Variants in CEP112 observed in about 807,000 individuals in gnomAD.
The protein encoded by CEP112 is centrosomal protein 112, also known as centrosomal protein of 112 kDa.
A neutral mutation model predicts 153.0 loss-of-function variants in CEP112; 127 were observed. The observed-to-expected ratio is 0.83, with a 90% CI of 0.72 to 0.96. CEP112 has a LOEUF of 0.96. Ranked by LOEUF, CEP112 falls within the 40% of genes least tolerant of loss-of-function variation. The pLI is 0.00. For synonymous variants in CEP112, 358 were observed against 374.4 expected, an observed-to-expected ratio of 0.96 and a Z score of 0.51; for missense variants, 1,089 against 1,101.2, an observed-to-expected ratio of 0.99 and a Z score of 0.16.
intron 21 of CEP112, among the ~76,000 whole-genome samples, chr17:65,840,411 G>A (rs1193016212): frequency 6.6e-6 from 1 of 152,018 alleles, no homozygotes; most frequent in African/African-American, 2.4e-5. Context: ...AGAAAGGACA[G>A]TCCCTTCAAT....
chr17:65,990,624 T>A (rs763767712), intron 17 of CEP112, among the ~76,000 whole-genome samples: 12 of 152,196 alleles, frequency 7.9e-5, no homozygotes, highest in Non-Finnish European at 1.8e-4. Context: ...ATCCCAAAGG[T>A]CAGAACTTGA....
At chr17:66,091,139 T>C (rs575930876) in intron 8 of CEP112, among the ~76,000 whole-genome samples, 2 of 151,974 alleles carry the variant, frequency 1.3e-5, no homozygotes, top group Admixed American at 1.3e-4. Context: ...AGAAAGAAAA[T>C]TAATAAGGAA....
intron 21 of CEP112, among the ~76,000 whole-genome samples, chr17:65,798,741 TA>T (rs1568030465): frequency 4.6e-5 from 7 of 152,220 alleles, no homozygotes; most frequent in African/African-American, 1.7e-4. Flanking sequence ...AGAAAGGTTA[TA>T]GTTAATTGCT....
chr17:66,029,836 T>C, intron 13 of CEP112, 33 bp downstream of exon 13: 3 of 1,587,660 alleles, frequency 1.9e-6, no homozygotes, highest in African/African-American at 1.3e-5. Flanking sequence ...ACTTTATAGC[T>C]ACACCTGATA....
intron 4 of CEP112, among the ~76,000 whole-genome samples, chr17:66,141,814 G>A (rs553102112): frequency 6.6e-6 from 1 of 152,238 alleles, no homozygotes; most frequent in Admixed American, 6.5e-5. Context: ...TCCACATCCT[G>A]ACTATTGTGA....
chr17:65,824,124 T>C (rs756734313), intron 21 of CEP112, among the ~76,000 whole-genome samples: 2 of 152,224 alleles, frequency 1.3e-5, no homozygotes, highest in Non-Finnish European at 2.9e-5. Context: ...TTAAAGTGCA[T>C]ATTCACACAA....
At chr17:66,174,847 G>C (rs1279334222) in intron 4 of CEP112, among the ~76,000 whole-genome samples, 197 bp downstream of exon 4, 2 of 152,052 alleles carry the variant, frequency 1.3e-5, no homozygotes, top group African/African-American at 2.4e-5. Context: ...GGGACCACTT[G>C]TCAAGCAATC....
intron 4 of CEP112, among the ~76,000 whole-genome samples, chr17:66,134,254 T>A (rs931657836): frequency 6.6e-6 from 1 of 152,222 alleles, no homozygotes; most frequent in Non-Finnish European, 1.5e-5. Flanking sequence ...CAGGGTTGCA[T>A]ACATAAAACG....
chr17:65,846,445 C>A (rs2057726959), intron 21 of CEP112, among the ~76,000 whole-genome samples: 1 of 152,312 alleles, frequency 6.6e-6, no homozygotes, highest in South Asian at 2.1e-4. Context: ...TGTATCATAT[C>A]CTACCCAAAG....
intron 6 of CEP112, among the ~76,000 whole-genome samples, chr17:66,126,299 A>T (rs1364443098): frequency 6.6e-6 from 1 of 152,234 alleles, no homozygotes; most frequent in Non-Finnish European, 1.5e-5. Context: ...ATCTTAAGAT[A>T]TTACATTAAT....
intron 4 of CEP112, among the ~76,000 whole-genome samples, chr17:66,142,631 G>A (rs1315674437): frequency 6.6e-6 from 1 of 152,002 alleles, no homozygotes; most frequent in East Asian, 1.9e-4. Flanking sequence ...GTGTGTTCTT[G>A]GCACCTCTGT....
At chr17:66,079,140 G>T (rs1290783136) in intron 8 of CEP112, among the ~76,000 whole-genome samples, 1 of 152,136 alleles carries the variant, frequency 6.6e-6, no homozygotes, top group Non-Finnish European at 1.5e-5. Context: ...TGGCAAGGCT[G>T]CTAAGAAAAA....
At chr17:65,731,308 A>T (rs562135300) in intron 23 of CEP112, among the ~76,000 whole-genome samples, 1 of 152,342 alleles carries the variant, frequency 6.6e-6, no homozygotes, top group East Asian at 1.9e-4. Flanking sequence ...CCCAGTGCAT[A>T]TAAAAAAGTC....
At chr17:65,825,990 A>G in intron 21 of CEP112, 2 of 765,972 alleles carry the variant, frequency 2.6e-6, no homozygotes, top group Admixed American at 2.2e-5. Flanking sequence ...TTTCTGTTCA[A>G]TGTGATTGCA....
chr17:66,056,552 A>G (rs933383687), intron 11 of CEP112, among the ~76,000 whole-genome samples: 1 of 152,262 alleles, frequency 6.6e-6, no homozygotes, highest in Admixed American at 6.5e-5. Context: ...TTATTTGACC[A>G]TAAAACTGAT....
At position 65,970,296 on chromosome 17, in the gene CEP112, C is replaced by T. The variant is rs139719035; in HGVS notation, c.1737-8698G>A. Among the ~76,000 whole-genome samples, 46 of 132,884 alleles carry T rather than the reference C, an allele frequency of 3.5e-4. 3 individuals carry two copies. The highest frequency in any genetic ancestry group is 1.1e-3 in the African/African-American group (44 of 38,416). 87.2% of individuals were successfully genotyped at this position (132,884 alleles called of 152,430 possible). A position where few individuals can be genotyped will look rare whatever the true frequency, so the allele number is the denominator to read the frequency against. On this transcript the variant is annotated intron_variant, in intron 17 of 26. Coordinates refer to ENST00000535342, the MANE Select transcript of CEP112 (RefSeq NM_001199165.4). ...GCATGTATGTAGCATGGATGTCATA[C>T]TGCATGTGTATCTCATATGTAAAAC... is the stretch of plus-strand genomic sequence containing the variant.
chr17:65,840,152 T>C (rs959677118), intron 21 of CEP112, among the ~76,000 whole-genome samples: 7 of 151,958 alleles, frequency 4.6e-5, no homozygotes, highest in African/African-American at 7.2e-5. Flanking sequence ...CAGAGAAATA[T>C]AAAAAACAAT....
intron 4 of CEP112, among the ~76,000 whole-genome samples, chr17:66,135,600 A>T (rs2070398305): frequency 6.6e-6 from 1 of 152,186 alleles, no homozygotes; most frequent in Non-Finnish European, 1.5e-5. Flanking sequence ...TAATTTCAGG[A>T]TGCCAAAACC....
At position 66,014,739 on chromosome 17, in the gene CEP112, C is replaced by G. The variant is rs551500323; in HGVS notation, c.1657-8970G>C. ...GGAAGAAGACCCAGTGTGTGGCAGC[C>G]CCATGCAGGATTCCCAGCTTCCTCC... On this transcript the variant is annotated intron_variant, in intron 16 of 26. Coordinates refer to ENST00000535342, the MANE Select transcript of CEP112 (RefSeq NM_001199165.4). 2.0e-5 allele frequency among the ~76,000 whole-genome samples: 3 copies of G among 152,284 alleles called. No individual in the cohort carries two copies. The South Asian group carries it at 6.2e-4, about 32-fold the overall frequency.
Sources: allele counts gnomAD v4.1 joint callset (sites outside exome capture counted in the v4.1 genomes callset), GRCh38; gene constraint gnomAD v4.1.1; transcripts MANE v1.5; gene names NCBI Gene and HGNC (gene_info 2026-07-23, HGNC 2026-07-21).